TRAPPC9: variants seen among roughly 807,000 people sequenced by gnomAD.
TRAPPC9 encodes trafficking protein particle complex subunit 9, also known as IKK2 binding protein.
In TRAPPC9, 83 loss-of-function variants were observed where a neutral mutation model predicts 124.0. The ratio of observed to expected loss-of-function variants is 0.67; its 90% CI spans 0.56 to 0.80. TRAPPC9 has a LOEUF of 0.80. Ranked by LOEUF, TRAPPC9 falls within the 30% of genes least tolerant of loss-of-function variation. The pLI is 0.00. For missense variants in TRAPPC9, 1,302 were observed against 1,508.3 expected, an observed-to-expected ratio of 0.86 and a Z score of 2.27; for synonymous variants, 638 against 617.5, an observed-to-expected ratio of 1.03 and a Z score of -0.49.
chr8:139,766,502 T>C (rs1335849354), intron 21 of TRAPPC9, among the ~76,000 whole-genome samples: 2 of 152,224 alleles, frequency 1.3e-5, no homozygotes, highest in Non-Finnish European at 2.9e-5. Flanking sequence ...CAAATGCAAG[T>C]TGTGGCTCTG....
chr8:140,061,089 T>C (rs1260630197), intron 17 of TRAPPC9, among the ~76,000 whole-genome samples: 3 of 152,198 alleles, frequency 2.0e-5, no homozygotes, highest in African/African-American at 7.2e-5. Context: ...CTTTTTAATA[T>C]CGTCAGATCA....
At chr8:140,306,024 A>G (rs2066120053) in intron 10 of TRAPPC9, among the ~76,000 whole-genome samples, 1 of 152,218 alleles carries the variant, frequency 6.6e-6, no homozygotes, top group East Asian at 1.9e-4. Flanking sequence ...CATTTTAGTT[A>G]CTATCCTTCC....
chr8:140,379,927 C>G (rs1389701742), intron 7 of TRAPPC9, among the ~76,000 whole-genome samples: 2 of 152,110 alleles, frequency 1.3e-5, no homozygotes, highest in Admixed American at 6.5e-5. Flanking sequence ...TTGTCTCCTT[C>G]CTGGAAAAAA....
chr8:140,393,031 A>ATTTTTTTTTATTTT (rs869235393), intron 7 of TRAPPC9, among the ~76,000 whole-genome samples: 1 of 141,878 alleles, frequency 7.0e-6, no homozygotes, highest in African/African-American at 2.7e-5. Context: ...TTCCCATTTT[A>ATTTTTTTTTATTTT]TTTTTATTTT....
At chr8:140,405,382 T>A (rs951004430) in intron 6 of TRAPPC9, 195 bp downstream of exon 6, 5 of 543,808 alleles carry the variant, frequency 9.2e-6, no homozygotes, top group African/African-American at 5.8e-5. Context: ...CCAAATTTAT[T>A]ATACTAAACC....
At chr8:139,732,312 C>G in intron 21 of TRAPPC9, 110 bp from the exon 22 acceptor site, 1 of 1,010,066 alleles carries the variant, frequency 9.9e-7, no homozygotes, top group Non-Finnish European at 1.4e-6. Flanking sequence ...CTCTTCAAGG[C>G]TGCCACCCAC....
intron 21 of TRAPPC9, among the ~76,000 whole-genome samples, chr8:139,749,399 C>G (rs962928194): frequency 2.0e-5 from 3 of 152,194 alleles, no homozygotes; most frequent in Admixed American, 6.5e-5. Context: ...ATCATTTAAC[C>G]GATCTGAGCC....
intron 4 of TRAPPC9, among the ~76,000 whole-genome samples, chr8:140,427,998 G>A (rs531055606): frequency 3.3e-5 from 5 of 152,242 alleles, no homozygotes; most frequent in South Asian, 4.2e-4. Context: ...AAGCCCAGAG[G>A]AGCCAAGGGA....
intron 21 of TRAPPC9, among the ~76,000 whole-genome samples, chr8:139,838,530 G>T (rs2130875301): frequency 6.6e-6 from 1 of 152,334 alleles, no homozygotes; most frequent in East Asian, 1.9e-4. Flanking sequence ...ATTTTCATGG[G>T]CTGCTCGGAG....
rs1005500279 is a variant in TRAPPC9, at chr8:139,964,092, C to T, written c.2810+24634G>A. Among the ~76,000 whole-genome samples the T allele has an allele frequency of 8.6e-5, 13 of 151,882 alleles. No individual in the cohort carries two copies. The East Asian group carries it at 1.6e-3, about 18-fold the overall frequency. ...ACAAAAAATTAGCCGGGCGTGGTGG[C>T]GGGCACCTGTAGTCCCAGCTACTTG... On this transcript the variant is annotated intron_variant, in intron 19 of 22. Transcript: ENST00000438773.
chr8:140,026,238 A>G (rs546006656), intron 17 of TRAPPC9, among the ~76,000 whole-genome samples: 3 of 152,152 alleles, frequency 2.0e-5, no homozygotes, highest in African/African-American at 7.2e-5. Flanking sequence ...TTACTCATCC[A>G]TTCGTCTGTC....
Position 139,923,148 on chromosome 8 carries a change from C to T in TRAPPC9, c.2811-12848G>A, listed in dbSNP as rs369351715. Among the ~76,000 whole-genome samples, 16 of 151,348 alleles carry T rather than the reference C, an allele frequency of 1.1e-4. No homozygotes were observed. The South Asian group carries it at 2.3e-3, about 22-fold the overall frequency. ...TGAATGAAAATCTACTGAGGGACACCGTGCCTAGGTCATCAGCCTCCATGG... is the reference window on the plus strand; with the variant it reads ...TGAATGAAAATCTACTGAGGGACACTGTGCCTAGGTCATCAGCCTCCATGG... On this transcript the variant is annotated intron_variant, in intron 19 of 22. Transcript: ENST00000438773.
At chr8:140,112,179 C>G (rs555042641) in intron 17 of TRAPPC9, among the ~76,000 whole-genome samples, 1 of 150,598 alleles carries the variant, frequency 6.6e-6, no homozygotes, top group East Asian at 2.0e-4. Flanking sequence ...GCGACAGGTG[C>G]AAGGAGAGTA....
chr8:140,048,281 A>G (rs141321901), intron 17 of TRAPPC9, among the ~76,000 whole-genome samples: 65 of 152,332 alleles, frequency 4.3e-4, no homozygotes, highest in African/African-American at 1.5e-3. Context: ...ATTGTCATAA[A>G]CAGGATAATG....
chr8:140,389,971 G>C (rs1197465666), intron 7 of TRAPPC9, among the ~76,000 whole-genome samples: 1 of 152,134 alleles, frequency 6.6e-6, no homozygotes, highest in Non-Finnish European at 1.5e-5. Flanking sequence ...GGGTAAGCTA[G>C]AGACTCAGCT....
At chr8:139,920,962 TCTGCCACAGATGTGG>T (rs934790198) in intron 19 of TRAPPC9, among the ~76,000 whole-genome samples, 1 of 152,234 alleles carries the variant, frequency 6.6e-6, no homozygotes, top group Non-Finnish European at 1.5e-5. Context: ...TTCCATCACC[TCTGCCACAGATGTGG>T]CTGCATCCCA....
chr8:139,878,685 C>G (rs1170042182), intron 21 of TRAPPC9, among the ~76,000 whole-genome samples: 1 of 152,208 alleles, frequency 6.6e-6, no homozygotes, highest in East Asian at 1.9e-4. Context: ...AAATTAGAGG[C>G]TGGGCCTGCT....
At chr8:139,814,189 C>T (rs76585424) in intron 21 of TRAPPC9, among the ~76,000 whole-genome samples, 22,366 of 152,254 alleles carry the variant, frequency 0.15, 1,696 homozygotes, top group Admixed American at 0.2. Flanking sequence ...AGGCGGTGGG[C>T]GGCCAGGGGC....
chr8:140,150,682 G>C (rs954707949), intron 17 of TRAPPC9, among the ~76,000 whole-genome samples: 1 of 152,144 alleles, frequency 6.6e-6, no homozygotes, highest in African/African-American at 2.4e-5. Context: ...GTGACAACCA[G>C]ACCCTGGGCA....
Sources: allele counts gnomAD v4.1 joint callset (sites outside exome capture counted in the v4.1 genomes callset), GRCh38; gene constraint gnomAD v4.1.1; transcripts MANE v1.5; gene names NCBI Gene and HGNC (gene_info 2026-07-23, HGNC 2026-07-21).